UBE3A: variants seen among roughly 807,000 people sequenced by gnomAD.
The protein encoded by UBE3A is ubiquitin-protein ligase E3A.
In UBE3A, 6 loss-of-function variants were observed where a neutral mutation model predicts 83.4. The observed-to-expected ratio is 0.07, with a 90% CI of 0.04 to 0.14. The LOEUF (loss-of-function observed/expected upper bound fraction) is 0.14. Among genes scored for constraint, UBE3A ranks in the 10% least tolerant of loss-of-function variants. The probability of loss-of-function intolerance (pLI) is 1.00; values close to 1 mark genes in which losing one functional copy is unlikely to be tolerated. For synonymous variants in UBE3A, 337 were observed against 355.4 expected (o/e 0.95, Z 0.58); for missense variants, 456 against 1,036.1 (o/e 0.44, Z 7.69).
chr15:25,364,632 G>GGT (rs2078718949), intron 6 of UBE3A, among the ~76,000 whole-genome samples: 1 of 121,176 alleles, frequency 8.3e-6, no homozygotes, highest in African/African-American at 3.6e-5. Flanking sequence ...GATTTTTAGG[G>GGT]TTTTTTTTGT....
intron 4 of UBE3A, among the ~76,000 whole-genome samples, chr15:25,402,178 A>G (rs2087303116): frequency 6.6e-6 from 1 of 152,204 alleles, no homozygotes; most frequent in African/African-American, 2.4e-5. Flanking sequence ...GTCTTTGCAG[A>G]GTGACTTTAT....
intron 6 of UBE3A, among the ~76,000 whole-genome samples, chr15:25,364,645 G>A (rs28504417): frequency 2.0e-5 from 2 of 97,652 alleles, no homozygotes; most frequent in Non-Finnish European, 4.4e-5. Flanking sequence ...TTTTTTGTTT[G>A]TTTTTTTTTT....
intron 1 of UBE3A, among the ~76,000 whole-genome samples, chr15:25,425,802 C>A (rs1298072115): frequency 4.6e-5 from 7 of 152,172 alleles, no homozygotes; most frequent in Non-Finnish European, 8.8e-5. Context: ...CCACAAAATA[C>A]AAGAGGCTCT....
At chr15:25,403,794 C>T (rs547380200) in intron 4 of UBE3A, among the ~76,000 whole-genome samples, 4 of 152,222 alleles carry the variant, frequency 2.6e-5, no homozygotes, top group Non-Finnish European at 4.4e-5. Flanking sequence ...AATTTTGAAA[C>T]ATGCTAAAGA....
At chr15:25,421,523 A>C (rs140127746) in intron 1 of UBE3A, among the ~76,000 whole-genome samples, 1,610 of 152,318 alleles carry the variant, frequency 0.011, 25 homozygotes, top group Middle Eastern at 0.034. Context: ...TCAAATTCAC[A>C]TATGAAGTAG....
chr15:25,354,319 A>C, intron 11 of UBE3A, 34 bp downstream of exon 11: 1 of 1,604,492 alleles, frequency 6.2e-7, no homozygotes, highest in Non-Finnish European at 8.5e-7. Context: ...CCTTTGGTGA[A>C]TCAAATCTTC....
chr15:25,374,042 C>A (rs1007212691), intron 5 of UBE3A: 1 of 152,078 alleles, frequency 6.6e-6, no homozygotes, highest in African/African-American at 2.4e-5. Context: ...TTAGTGTTAA[C>A]AAACATAATT....
chr15:25,435,016 AC>A (rs1894627324), intron 1 of UBE3A, among the ~76,000 whole-genome samples: 1 of 143,152 alleles, frequency 7.0e-6, no homozygotes, highest in African/African-American at 2.6e-5. Context: ...ACACACACAC[AC>A]ACAAATACTA....
Position 25,360,581 on chromosome 15 carries a change from AAAAC to A in UBE3A, c.1609-58_1609-55del, listed in dbSNP as rs746387953. 14 of 1,583,706 alleles carry A rather than the reference AAAAC, an allele frequency of 8.8e-6. No individual in the cohort carries two copies. In the South Asian group the frequency reaches 9.1e-5, roughly 10 times the overall value. The stretch of plus-strand genomic sequence containing the variant: ...GAAGATGATTGCTAGTATCAGGAAA[AAAAC>A]AAAATAAAAACAAGGAGTAGGATTA... On this transcript the variant is annotated intron_variant, in intron 6 of 12. Coordinates refer to ENST00000648336, the MANE Select transcript of UBE3A (RefSeq NM_130839.5).
chr15:25,365,366 A>G lies in UBE3A; in HGVS notation c.1609-4839T>C, dbSNP rs538169135. ...AATCAATTCATAATTTTTTAAAAAAATTCCTTAATACCATGAATATTTAAG... is the reference window on the plus strand; with the variant it reads ...AATCAATTCATAATTTTTTAAAAAAGTTCCTTAATACCATGAATATTTAAG... On this transcript the variant is annotated intron_variant, in intron 6 of 12. Transcript: ENST00000648336. Among the ~76,000 whole-genome samples the G allele has an allele frequency of 2.0e-5, 3 of 152,324 alleles. No individual in the cohort carries two copies. The East Asian group carries it at 5.8e-4, about 29-fold the overall frequency.
At chr15:25,409,239 A>G in intron 2 of UBE3A, 32 bp from the exon 3 acceptor site, 1 of 734,258 alleles carries the variant, frequency 1.4e-6, no homozygotes, top group Non-Finnish European at 2.3e-6. Flanking sequence ...TGGTTAGAAC[A>G]CTTTAATATA....
intron 4 of UBE3A, among the ~76,000 whole-genome samples, chr15:25,383,340 T>C (rs2082533198): frequency 6.6e-6 from 1 of 152,154 alleles, no homozygotes; most frequent in African/African-American, 2.4e-5. Flanking sequence ...AACACCCTTT[T>C]AGGATTTAAA....
At chr15:25,341,850 A>G (rs181227276) in intron 11 of UBE3A, among the ~76,000 whole-genome samples, 19 of 151,918 alleles carry the variant, frequency 1.3e-4, no homozygotes, top group African/African-American at 4.1e-4. Flanking sequence ...ACCAGTAATT[A>G]CAATTTTCTA....
chr15:25,364,957 A>G (rs983189244), intron 6 of UBE3A, among the ~76,000 whole-genome samples: 2 of 151,814 alleles, frequency 1.3e-5, no homozygotes, highest in Admixed American at 1.3e-4. Flanking sequence ...ATTTTTAGGT[A>G]TATTTAAAAG....
intron 6 of UBE3A, among the ~76,000 whole-genome samples, chr15:25,362,664 G>C (rs2078312014): frequency 6.6e-6 from 1 of 152,100 alleles, no homozygotes; most frequent in Non-Finnish European, 1.5e-5. Context: ...GTTTCAGTTG[G>C]AAACCTGTTT....
At chr15:25,393,832 C>T (rs1395513874) in intron 4 of UBE3A, 2 of 152,290 alleles carry the variant, frequency 1.3e-5, no homozygotes, top group East Asian at 1.9e-4. Flanking sequence ...TCCTTCCACA[C>T]GTGATGCCTT....
At chr15:25,375,206 C>T (rs2081006638) in intron 5 of UBE3A, 3 of 447,138 alleles carry the variant, frequency 6.7e-6, no homozygotes, top group East Asian at 9.3e-5. Flanking sequence ...CCACTTAATA[C>T]ATTTTTCCTA....
At chr15:25,359,414 GATGC>G (rs1365283638) in intron 7 of UBE3A, among the ~76,000 whole-genome samples, 7 of 120,068 alleles carry the variant, frequency 5.8e-5, no homozygotes, top group African/African-American at 9.8e-5. Flanking sequence ...ATAGATAAGG[GATGC>G]GTGTGTGTGT....
At position 25,371,689 on chromosome 15, in the gene UBE3A, T is replaced by C. The variant is rs1363411113; in HGVS notation, c.485A>G (p.Gln162Arg). ...RVFSSAEALV[Q>R]SFRKVKQHTK... ...GTGTTGTTTAACTTTCCGGAAGCTCTGTACCAATGCCTCAGCACTAGAAAA... is the reference window on the plus strand; with the variant it reads ...GTGTTGTTTAACTTTCCGGAAGCTCCGTACCAATGCCTCAGCACTAGAAAA... The change falls in exon 6 of 13, where the codon CAG becomes CGG. Residue 162 changes from glutamine (Q) to arginine (R), a missense_variant. This residue lies in a region of UBE3A where 34 missense variants were observed against 79.1 expected (regional missense o/e 0.43). Coordinates refer to ENST00000648336, the MANE Select transcript of UBE3A (RefSeq NM_130839.5). The surrounding 1 kb of genome is among the most constrained non-coding windows in gnomAD (Gnocchi z 5.3). 5 of 1,614,120 alleles carry C rather than the reference T, an allele frequency of 3.1e-6. No homozygotes were observed. Among genetic ancestry groups the C allele is most frequent in the Non-Finnish European group, 4.2e-6 (5 of 1,180,010 alleles).
Sources: allele counts gnomAD v4.1 joint callset (sites outside exome capture counted in the v4.1 genomes callset), GRCh38; gene constraint gnomAD v4.1.1; regional missense constraint gnomAD v4.1.1; non-coding constraint Gnocchi (gnomAD v3.1); transcripts MANE v1.5; gene names NCBI Gene and HGNC (gene_info 2026-07-23, HGNC 2026-07-21).